ARHGAP6: variants seen among roughly 807,000 people sequenced by gnomAD.
The protein encoded by ARHGAP6 is rho GTPase-activating protein 6.
ARHGAP6 carries 16 observed loss-of-function variants against 55.7 expected under a neutral mutation model. The ratio of observed to expected loss-of-function variants is 0.29; its 90% confidence interval spans 0.19 to 0.44. The LOEUF is 0.44. ARHGAP6 is among the 20% of genes least tolerant of loss of function. ARHGAP6 has a pLI of 1.00. For missense variants in ARHGAP6, 698 were observed against 808.9 expected (o/e 0.86, Z 1.66); for synonymous variants, 382 against 360.9 (o/e 1.06, Z -0.66).
At chrX:11,662,630 C>A (rs1395623469) in intron 1 of ARHGAP6, among the ~76,000 whole-genome samples, 1 of 112,405 alleles carries the variant, frequency 8.9e-6, no homozygotes, top group Non-Finnish European at 1.9e-5. Context: ...TAATTTGCAA[C>A]AAGTGAAATC....
At chrX:11,631,725 T>C (rs904712700) in intron 1 of ARHGAP6, among the ~76,000 whole-genome samples, 1 of 111,537 alleles carries the variant, frequency 9.0e-6, no homozygotes, top group Non-Finnish European at 1.9e-5. Flanking sequence ...CCATCCAGTG[T>C]CTGTCACAGC....
At chrX:11,521,289 T>C (rs7881001) in intron 1 of ARHGAP6, among the ~76,000 whole-genome samples, 12,314 of 111,731 alleles carry the variant, frequency 0.11, 872 homozygotes, top group African/African-American at 0.25. Flanking sequence ...TTTATGGTTT[T>C]AGGTCTAACA....
intron 1 of ARHGAP6, among the ~76,000 whole-genome samples, chrX:11,639,646 A>G (rs1282153402): frequency 9.0e-6 from 1 of 111,307 alleles, no homozygotes; most frequent in Non-Finnish European, 1.9e-5. Context: ...ACAAATTATC[A>G]TGGGACTTCA....
chrX:11,310,458 G>A lies in ARHGAP6; in HGVS notation c.589-55751C>T, dbSNP rs777099677. On this transcript the variant is annotated intron_variant, in intron 1 of 12. Coordinates refer to ENST00000337414, the MANE Select transcript of ARHGAP6 (RefSeq NM_013427.3). ...CCCAAATAATCCATCAACAGATGAA[G>A]GAATAAACAAAATGTGTCATATCCC... Among the ~76,000 whole-genome samples the A allele has an allele frequency of 2.7e-5, 3 of 111,324 alleles. No individual in the cohort carries two copies. The East Asian group carries it at 8.4e-4, about 31-fold the overall frequency.
chrX:11,186,517 G>A, intron 4 of ARHGAP6, 86 bp from the exon 5 acceptor site: 1 of 635,611 alleles, frequency 1.6e-6, no homozygotes. Context: ...ACATACTTTT[G>A]CTCATGACTC....
At chrX:11,166,106 C>T (rs1360386312) in intron 9 of ARHGAP6, among the ~76,000 whole-genome samples, 1 of 112,030 alleles carries the variant, frequency 8.9e-6, no homozygotes, top group African/African-American at 3.2e-5. Context: ...CTAGGTTCCT[C>T]TTCTGTATTA....
chrX:11,348,673 G>A (rs1213334771), intron 1 of ARHGAP6, among the ~76,000 whole-genome samples: 2 of 111,346 alleles, frequency 1.8e-5, no homozygotes, highest in African/African-American at 3.3e-5. Flanking sequence ...GTTTTGAGAC[G>A]GGGACTCCCT....
At chrX:11,499,981 G>A (rs1185390006) in intron 1 of ARHGAP6, among the ~76,000 whole-genome samples, 2 of 112,267 alleles carry the variant, frequency 1.8e-5, no homozygotes, top group East Asian at 2.8e-4. Context: ...CCTAGGTCTC[G>A]TGGGTTTTTT....
intron 1 of ARHGAP6, among the ~76,000 whole-genome samples, chrX:11,592,138 G>A (rs746998139): frequency 8.9e-6 from 1 of 112,139 alleles, no homozygotes; most frequent in Non-Finnish European, 1.9e-5. Flanking sequence ...GGTTAACTAT[G>A]GCTCCATCCT....
chrX:11,146,636 A>G (rs2045695517), intron 10 of ARHGAP6, among the ~76,000 whole-genome samples: 1 of 112,355 alleles, frequency 8.9e-6, no homozygotes, highest in African/African-American at 3.2e-5. Context: ...ATTATGTGGC[A>G]GGCACTGTAC....
At chrX:11,609,094 T>C (rs540922296) in intron 1 of ARHGAP6, among the ~76,000 whole-genome samples, 7 of 111,475 alleles carry the variant, frequency 6.3e-5, no homozygotes, top group East Asian at 5.7e-4. Context: ...CCTGGCTCCA[T>C]TGGTTAGGGG....
intron 1 of ARHGAP6, among the ~76,000 whole-genome samples, chrX:11,426,359 AT>A (rs35111887): frequency 0.035 from 3,643 of 102,843 alleles, 60 homozygotes; most frequent in Middle Eastern, 0.056. Flanking sequence ...CAAAAAAACA[AT>A]TTTTTTTTTT....
chrX:11,356,850 A>G (rs1286046889), intron 1 of ARHGAP6, among the ~76,000 whole-genome samples: 2 of 112,291 alleles, frequency 1.8e-5, no homozygotes, highest in African/African-American at 6.5e-5. Flanking sequence ...AAATTATACT[A>G]AAGAAAATTG....
chrX:11,288,398 C>T (rs2047947406), intron 1 of ARHGAP6, among the ~76,000 whole-genome samples: 1 of 112,322 alleles, frequency 8.9e-6, no homozygotes, highest in Non-Finnish European at 1.9e-5. Flanking sequence ...ACCATTACAC[C>T]GTGTTTAGCC....
At chrX:11,619,678 C>G (rs1763586599) in intron 1 of ARHGAP6, among the ~76,000 whole-genome samples, 1 of 112,075 alleles carries the variant, frequency 8.9e-6, no homozygotes, top group African/African-American at 3.2e-5. Flanking sequence ...GAGTAGGGTT[C>G]AAACAACAGA....
At chrX:11,437,905 G>A (rs894093053) in intron 1 of ARHGAP6, among the ~76,000 whole-genome samples, 2 of 112,024 alleles carry the variant, frequency 1.8e-5, no homozygotes, top group South Asian at 3.7e-4. Flanking sequence ...GAGATATTCC[G>A]GGCAGAGCAC....
chrX:11,334,592 G>T (rs940641066), intron 1 of ARHGAP6: 2 of 121,195 alleles, frequency 1.7e-5, no homozygotes, highest in African/African-American at 3.3e-5. Flanking sequence ...GGATGGATCA[G>T]GATCTTCAAC....
At chrX:11,231,143 C>T (rs2047126169) in intron 2 of ARHGAP6, among the ~76,000 whole-genome samples, 1 of 112,254 alleles carries the variant, frequency 8.9e-6, no homozygotes, top group Admixed American at 9.5e-5. Context: ...TAAAGATACA[C>T]TTTTCTCAAG....
chrX:11,443,695 G>A (rs898276492), intron 1 of ARHGAP6, among the ~76,000 whole-genome samples: 19 of 112,242 alleles, frequency 1.7e-4, no homozygotes, highest in East Asian at 1.4e-3. Flanking sequence ...TTGGGAGGCC[G>A]AAGTGGGTGG....
Sources: gnomAD v4.1 joint callset for allele counts (sites outside exome capture counted in the v4.1 genomes callset) on GRCh38, gnomAD v4.1.1 for gene constraint, MANE v1.5 for transcripts, NCBI Gene and HGNC (gene_info 2026-07-23, HGNC 2026-07-21) for gene names.